NTRK3: variants seen among roughly 807,000 people sequenced by gnomAD.
NTRK3 encodes NT-3 growth factor receptor.
Under a neutral mutation model 91.7 loss-of-function variants are expected in NTRK3, and 24 were observed. The observed-to-expected ratio is 0.26, with a 90% CI of 0.19 to 0.37. The LOEUF is 0.37. Ranked by LOEUF, NTRK3 falls within the 10% of genes least tolerant of loss-of-function variation. The pLI is 1.00. For missense variants in NTRK3, 880 were observed against 1,068.9 expected (o/e 0.82, Z 2.46); for synonymous variants, 483 against 404.0 (o/e 1.20, Z -2.34).
chr15:88,160,287 T>A (rs1449352325), intron 5 of NTRK3, among the ~76,000 whole-genome samples: 1 of 151,806 alleles, frequency 6.6e-6, no homozygotes, highest in Non-Finnish European at 1.5e-5. Context: ...ACTCAAGGAG[T>A]CACAGCTGTG....
chr15:88,127,243 A>G lies in NTRK3; in HGVS notation c.1229-17T>C, dbSNP rs776346600. ...CTTCGTCAACTGAAAACCAAACACA[A>G]AAAGGAGGAGGACAGTTAGCTTCCC... On this transcript the variant is annotated splice_polypyrimidine_tract_variant and intron_variant, in intron 11 of 18. Coordinates refer to ENST00000394480, the Ensembl canonical transcript of NTRK3. 9 of 1,612,342 alleles carry G rather than the reference A, an allele frequency of 5.6e-6. No homozygotes were observed. The highest frequency in any genetic ancestry group is 2.2e-5 in the East Asian group (1 of 44,866).
chr15:87,897,827 A>G (rs1567082777), intron 17 of NTRK3, among the ~76,000 whole-genome samples: 1 of 152,098 alleles, frequency 6.6e-6, no homozygotes, highest in African/African-American at 2.4e-5. Context: ...TATCAGAATT[A>G]TATACATATC....
chr15:87,979,866 G>A (rs1312802016), intron 14 of NTRK3, among the ~76,000 whole-genome samples: 1 of 152,152 alleles, frequency 6.6e-6, no homozygotes, highest in Non-Finnish European at 1.5e-5. Context: ...GGGGCTAAGG[G>A]ATGGGAGGAG....
intron 3 of NTRK3, among the ~76,000 whole-genome samples, chr15:88,229,463 G>T (rs1395962571): frequency 6.6e-6 from 1 of 152,136 alleles, no homozygotes; most frequent in African/African-American, 2.4e-5. Flanking sequence ...TCTTCCATAT[G>T]AACCTTCAAA....
chr15:88,151,804 G>C (rs1026633619), intron 5 of NTRK3, among the ~76,000 whole-genome samples: 1 of 152,152 alleles, frequency 6.6e-6, no homozygotes, highest in African/African-American at 2.4e-5. Flanking sequence ...TAATGGGCAG[G>C]TATGTCTTAG....
chr15:88,185,208 C>T (rs570484290), intron 3 of NTRK3, among the ~76,000 whole-genome samples: 18 of 152,214 alleles, frequency 1.2e-4, no homozygotes, highest in Non-Finnish European at 2.4e-4. Flanking sequence ...CTAATTAATT[C>T]ATCTTCTTGG....
At chr15:87,867,475 G>T (rs945772372) in exon 19 of NTRK3, 7 of 230,258 alleles carry the variant, frequency 3.0e-5, no homozygotes, top group African/African-American at 1.3e-4. Context: ...AACTTGTTCA[G>T]GGCAGGATCT....
At chr15:87,894,484 G>A (rs1438276696) in intron 17 of NTRK3, among the ~76,000 whole-genome samples, 2 of 152,302 alleles carry the variant, frequency 1.3e-5, no homozygotes, top group Middle Eastern at 3.4e-3. Flanking sequence ...ACCTGGGCCT[G>A]TCGGTCCTGC....
intron 6 of NTRK3, among the ~76,000 whole-genome samples, chr15:88,146,187 C>A (rs552379893): frequency 6.6e-6 from 1 of 152,304 alleles, no homozygotes; most frequent in Admixed American, 6.5e-5. Context: ...ACCTTTTCCA[C>A]CTACAGTACA....
intron 3 of NTRK3, among the ~76,000 whole-genome samples, chr15:88,250,029 C>A (rs1186213731): frequency 6.6e-6 from 1 of 152,214 alleles, no homozygotes; most frequent in Non-Finnish European, 1.5e-5. Flanking sequence ...CAAGCCAAAC[C>A]CCAGGGCCTC....
At chr15:88,256,015 G>C (rs771206956) in exon 3 of NTRK3, 8 of 1,613,420 alleles carry the variant, frequency 5.0e-6, no homozygotes, top group Non-Finnish European at 6.8e-6. Context: ...TCGTCCGGCC[G>C]CCGGCAATTG....
chr15:87,988,516 G>C (rs577949626), intron 14 of NTRK3, among the ~76,000 whole-genome samples: 4 of 152,300 alleles, frequency 2.6e-5, no homozygotes, highest in Admixed American at 2.6e-4. Context: ...AACTGGATGA[G>C]AGATATAAGG....
chr15:87,873,701 C>T (rs924498551), exon 19 of NTRK3: 5 of 231,822 alleles, frequency 2.2e-5, no homozygotes, highest in African/African-American at 8.8e-5. Context: ...ACATTAGGCT[C>T]TTCATAAATA....
chr15:88,176,010 C>A (rs2045955499), intron 5 of NTRK3, among the ~76,000 whole-genome samples: 1 of 152,270 alleles, frequency 6.6e-6, no homozygotes, highest in Admixed American at 6.5e-5. Flanking sequence ...AGGCGACCTA[C>A]CTTCACTGTA....
chr15:88,057,850 C>T (rs185377132), intron 13 of NTRK3, among the ~76,000 whole-genome samples: 2 of 152,334 alleles, frequency 1.3e-5, no homozygotes, highest in East Asian at 3.9e-4. Flanking sequence ...CTGAGGGAGG[C>T]GGATTGCCCT....
chr15:88,003,776 G>C (rs372480452), intron 14 of NTRK3, among the ~76,000 whole-genome samples: 19 of 149,060 alleles, frequency 1.3e-4, no homozygotes, highest in Admixed American at 1.0e-3. Flanking sequence ...ATCTTCAAAA[G>C]AGTAAATAGG....
chr15:88,238,002 T>C (rs1171796799), intron 3 of NTRK3, among the ~76,000 whole-genome samples: 2 of 152,158 alleles, frequency 1.3e-5, no homozygotes, highest in African/African-American at 4.8e-5. Context: ...ATGAGGTGAT[T>C]GGGGTAGCCC....
chr15:87,914,302 C>T (rs768639115), intron 17 of NTRK3, among the ~76,000 whole-genome samples: 13 of 152,192 alleles, frequency 8.5e-5, no homozygotes, highest in Non-Finnish European at 1.6e-4. Context: ...GTGAGACCTT[C>T]TCCAGTCCTC....
chr15:87,860,045 A>G (rs1596022995), exon 19 of NTRK3: 1 of 203,930 alleles, frequency 4.9e-6, no homozygotes, highest in African/African-American at 2.3e-5. Context: ...TTAAACAAAA[A>G]CCAAGAAAAG....
Sources: allele counts gnomAD v4.1 joint callset (sites outside exome capture counted in the v4.1 genomes callset), GRCh38; gene constraint gnomAD v4.1.1; transcripts MANE v1.5; gene names NCBI Gene and HGNC (gene_info 2026-07-23, HGNC 2026-07-21).